The following SPTBN1 variants were observed in gnomAD, a reference collection of about 807,000 sequenced individuals.
The protein encoded by SPTBN1 is spectrin beta chain, non-erythrocytic 1.
SPTBN1 carries 32 observed loss-of-function variants against 266.4 expected under a neutral mutation model. The ratio of observed to expected loss-of-function variants is 0.12; its 90% CI spans 0.09 to 0.16. SPTBN1 has a LOEUF of 0.16. Ranked by LOEUF, SPTBN1 falls within the 10% of genes least tolerant of loss-of-function variation. The pLI, the probability that SPTBN1 is intolerant of heterozygous loss-of-function variation, is 1.00. For synonymous variants in SPTBN1, 1,336 were observed against 1,162.2 expected, an observed-to-expected ratio of 1.15 and a Z score of -3.04; for missense variants, 2,296 against 3,067.1, an observed-to-expected ratio of 0.75 and a Z score of 5.94.
chr2:54,631,452 C>A lies in SPTBN1; in HGVS notation c.3405C>A (p.Ala1135=). Reference sequence around the variant, plus strand: ...TGGTCACCCAGGGGCAGACCGATGCCCAGTACATGTTTCTGCGGCAGCGGC... The same window carrying A: ...TGGTCACCCAGGGGCAGACCGATGCACAGTACATGTTTCTGCGGCAGCGGC... ...GEMVTQGQTD[A]QYMFLRQRLQ... Residue 1135 remains alanine, a synonymous_variant, in exon 16 of 36, where the codon GCC becomes GCA. Coordinates refer to ENST00000356805, the MANE Select transcript of SPTBN1 (RefSeq NM_003128.3). 1 of 1,614,248 alleles carries A rather than the reference C, an allele frequency of 6.2e-7. No homozygotes were observed.
intron 2 of SPTBN1, among the ~76,000 whole-genome samples, chr2:54,582,850 G>A (rs1392954036): frequency 6.6e-6 from 1 of 152,136 alleles, no homozygotes; most frequent in African/African-American, 2.4e-5. Flanking sequence ...CTTCGTGACT[G>A]TGGGCAAATA....
intron 1 of SPTBN1, 83 bp downstream of exon 1, chr2:54,456,601 A>C (rs1388242383): frequency 6.6e-6 from 1 of 151,478 alleles, no homozygotes. Context: ...GACGGGCGGG[A>C]GGAGGGGCGC....
chr2:54,564,761 T>C (rs1175088462), intron 2 of SPTBN1, among the ~76,000 whole-genome samples: 1 of 152,194 alleles, frequency 6.6e-6, no homozygotes, highest in East Asian at 1.9e-4. Context: ...CTGCTTGGAC[T>C]CCCTTCCTTT....
At chr2:54,620,410 TCAGA>T (rs1006713183) in intron 7 of SPTBN1, among the ~76,000 whole-genome samples, 2 of 152,210 alleles carry the variant, frequency 1.3e-5, no homozygotes, top group Non-Finnish European at 2.9e-5. Flanking sequence ...GAAGGCCATT[TCAGA>T]CAAAGGGAAG....
At position 54,645,562 on chromosome 2, in the gene SPTBN1, C is replaced by T; in HGVS notation, c.4494+109C>T. The T allele has an allele frequency of 8.5e-7, 1 of 1,181,528 alleles. No individual in the cohort carries two copies. The highest frequency in any genetic ancestry group is 1.2e-6 in the Non-Finnish European group (1 of 837,968). 73.2% of individuals were successfully genotyped at this position (1,181,528 alleles called of 1,614,324 possible). A position where few individuals can be genotyped will look rare whatever the true frequency, so the allele number is the denominator to read the frequency against. Reference sequence around the variant, plus strand: ...CCTCACCTTGGGCCACGTTGGCAAGCTGAGCTGCCAAAGTCCACGCTCTGG... The same window carrying T: ...CCTCACCTTGGGCCACGTTGGCAAGTTGAGCTGCCAAAGTCCACGCTCTGG... On this transcript the variant is annotated intron_variant, in intron 21 of 35. Coordinates refer to ENST00000356805, the MANE Select transcript of SPTBN1 (RefSeq NM_003128.3). This position sits in a 1 kb window ranked among gnomAD's most constrained non-coding sequence, Gnocchi z 4.3.
chr2:54,548,899 C>T (rs1672403769), intron 2 of SPTBN1, among the ~76,000 whole-genome samples: 1 of 152,172 alleles, frequency 6.6e-6, no homozygotes, highest in African/African-American at 2.4e-5. Context: ...TGCCACCTCC[C>T]TCACAGAGTC....
At chr2:54,486,955 T>G (rs147874538) in intron 1 of SPTBN1, among the ~76,000 whole-genome samples, 2 of 152,052 alleles carry the variant, frequency 1.3e-5, no homozygotes, top group Admixed American at 1.3e-4. Flanking sequence ...TTGCTCTGAG[T>G]CATTTACGTG....
intron 2 of SPTBN1, 59 bp from the exon 3 acceptor site, chr2:54,599,033 T>C (rs113864996): frequency 3.3e-5 from 52 of 1,585,958 alleles, no homozygotes; most frequent in Non-Finnish European, 4.3e-5. Context: ...CCTGCTAGCA[T>C]GTGCCTGCTC....
rs547224395 is a variant in SPTBN1 at position 54,558,759 on chromosome 2, G to A, written c.148+32193G>A. The A allele has an allele frequency of 1.9e-6, 3 of 1,609,226 alleles. No individual in the cohort carries two copies. Among genetic ancestry groups the A allele is most frequent in the African/African-American group, 1.3e-5 (1 of 74,780 alleles). On this transcript the variant is annotated intron_variant, in intron 2 of 35. Coordinates refer to ENST00000356805, the MANE Select transcript of SPTBN1 (RefSeq NM_003128.3). The surrounding 1 kb of genome is among the most constrained non-coding windows in gnomAD (Gnocchi z 4.6). ...CGAGATTTCCAGGGCGCAGTCCTCCGGGGCGTTACGCCGGGCATAATGGAA... is the reference window on the plus strand; with the variant it reads ...CGAGATTTCCAGGGCGCAGTCCTCCAGGGCGTTACGCCGGGCATAATGGAA...
At chr2:54,568,281 C>T (rs1673805290) in intron 2 of SPTBN1, among the ~76,000 whole-genome samples, 1 of 139,504 alleles carries the variant, frequency 7.2e-6, no homozygotes, top group Admixed American at 8.0e-5. Flanking sequence ...CTCTGGGAGG[C>T]AGAAGTTGCA....
chr2:54,629,678 T>A lies in SPTBN1; in HGVS notation c.2544T>A (p.Thr848=). The A allele has an allele frequency of 3.7e-6, 6 of 1,613,794 alleles. No individual in the cohort carries two copies. Among genetic ancestry groups the A allele is most frequent in the Non-Finnish European group, 5.1e-6 (6 of 1,179,990 alleles). ...TRLRKQALQD[T]LALYKMFSEA... is the part of the protein sequence containing the mutation. The stretch of plus-strand genomic sequence containing the variant: ...TGCGGAAGCAGGCACTCCAGGACAC[T>A]CTGGCCCTGTACAAGATGTTCAGCG... Residue 848 remains threonine, a synonymous_variant, in exon 14 of 36, where the codon ACT becomes ACA. Coordinates refer to ENST00000356805, the MANE Select transcript of SPTBN1 (RefSeq NM_003128.3).
At chr2:54,462,034 TG>T (rs1693393407) in intron 1 of SPTBN1, among the ~76,000 whole-genome samples, 1 of 152,238 alleles carries the variant, frequency 6.6e-6, no homozygotes, top group Admixed American at 6.5e-5. Context: ...CAAATCCTAA[TG>T]GTGTTGTATA....
intron 2 of SPTBN1, among the ~76,000 whole-genome samples, chr2:54,587,262 G>C (rs971714841): frequency 6.6e-6 from 1 of 152,188 alleles, no homozygotes; most frequent in African/African-American, 2.4e-5. Flanking sequence ...CCACATGGTA[G>C]ACTAGTATAG....
chr2:54,655,697 G>T (rs1680603862), intron 28 of SPTBN1, among the ~76,000 whole-genome samples: 1 of 152,226 alleles, frequency 6.6e-6, no homozygotes, highest in African/African-American at 2.4e-5. Flanking sequence ...AACAGCTTTG[G>T]CAGGGCTTCC....
chr2:54,541,965 TATTA>T lies in SPTBN1; in HGVS notation c.148+15403_148+15406del, dbSNP rs1307699515. On this transcript the variant is annotated intron_variant, in intron 2 of 35. Coordinates refer to ENST00000356805, the MANE Select transcript of SPTBN1 (RefSeq NM_003128.3). ...ATTTTTTAAAATGCTAGCATTGATC[TATTA>T]ATTCAATTTTATTACATGGTGTTGG... Among the ~76,000 whole-genome samples the T allele has an allele frequency of 2.6e-5, 4 of 152,364 alleles. No individual in the cohort carries two copies. The East Asian group carries it at 7.7e-4, about 29-fold the overall frequency.
At chr2:54,633,279 T>G (rs1449645894) in intron 17 of SPTBN1, among the ~76,000 whole-genome samples, 1 of 152,186 alleles carries the variant, frequency 6.6e-6, no homozygotes, top group Non-Finnish European at 1.5e-5. Context: ...GCTTGGATAG[T>G]GCTGTAATAG....
intron 2 of SPTBN1, among the ~76,000 whole-genome samples, chr2:54,579,840 C>G (rs2104565057): frequency 6.6e-6 from 1 of 152,312 alleles, no homozygotes; most frequent in Middle Eastern, 3.4e-3. Context: ...TCCTAAAACT[C>G]TGAAAGCAAA....
At chr2:54,461,520 A>T (rs1446279162) in intron 1 of SPTBN1, among the ~76,000 whole-genome samples, 3 of 152,242 alleles carry the variant, frequency 2.0e-5, no homozygotes, top group African/African-American at 7.2e-5. Flanking sequence ...TTAGTAGAGA[A>T]TGTAGAACTG....
chr2:54,597,956 A>G (rs1037802223), intron 2 of SPTBN1, among the ~76,000 whole-genome samples: 2 of 141,628 alleles, frequency 1.4e-5, no homozygotes, highest in East Asian at 2.1e-4. Context: ...GATTTTTGGC[A>G]TAAATTCATG....
Sources: gnomAD v4.1 joint callset for allele counts (sites outside exome capture counted in the v4.1 genomes callset) on GRCh38, gnomAD v4.1.1 for gene constraint, Gnocchi (gnomAD v3.1) non-coding constraint, MANE v1.5 for transcripts, NCBI Gene and HGNC (gene_info 2026-07-23, HGNC 2026-07-21) for gene names.